The following KLK14 variants were observed in gnomAD, a reference collection of about 807,000 sequenced individuals.
The protein encoded by KLK14 is kallikrein related peptidase 14.
Under a neutral mutation model 24.6 loss-of-function variants are expected in KLK14, and 21 were observed. The ratio of observed to expected loss-of-function variants is 0.85; its 90% CI spans 0.61 to 1.23. KLK14 has a LOEUF of 1.23. Ranked by LOEUF, KLK14 falls within the 50% of genes most tolerant of loss-of-function variation. KLK14 has a pLI of 0.00. For synonymous variants in KLK14, 133 were observed against 139.7 expected, an observed-to-expected ratio of 0.95 and a Z score of 0.34; for missense variants, 320 against 338.9, an observed-to-expected ratio of 0.94 and a Z score of 0.44.
Position 51,079,541 on chromosome 19 carries a change from C to T in KLK14, c.374G>A (p.Arg125Lys). Residue 125 changes from arginine (R) to lysine (K), a missense_variant, in exon 4 of 6, where the codon AGG (arginine) becomes AAG (lysine). By Grantham distance (26) the Arg-to-Lys change is conservative. Transcript: ENST00000650543. ...GGTGACCTCAATGGGCCTGACTGCCCTCCCGATCCGTGCGGGCTGCTGTAG... is the reference window on the plus strand; with the variant it reads ...GGTGACCTCAATGGGCCTGACTGCCTTCCCGATCCGTGCGGGCTGCTGTAG... Reference protein sequence around the residue: ...LQLQQPARIGRAVRPIEVTQA... With the variant: ...LQLQQPARIGKAVRPIEVTQA... 6.2e-7 allele frequency: 1 copy of T among 1,613,990 alleles called. No individual in the cohort carries two copies. The highest frequency in any genetic ancestry group is 8.5e-7 in the Non-Finnish European group (1 of 1,180,030).
chr19:51,083,335 AAGAC>A (rs2091852658), upstream of KLK14, among the ~76,000 whole-genome samples: 2 of 77,346 alleles, frequency 2.6e-5, no homozygotes, highest in South Asian at 4.3e-4. Context: ...GAGAGAGAGA[AAGAC>A]AGAGAGACAC....
At position 51,078,892 on chromosome 19, in the gene KLK14, G is replaced by A; in HGVS notation, c.526C>T (p.Gln176Ter). 6.2e-7 allele frequency: 1 copy of A among 1,614,078 alleles called. No homozygotes were observed. The highest frequency in any genetic ancestry group is 2.2e-5 in the East Asian group (1 of 44,890). ...GTGATGGTTCTAGGATAGGCCTTCT[G>A]GCACACCTCATCCGGGGAGATGTTG... is the stretch of plus-strand genomic sequence containing the variant. ...NINISPDEVCQKAYPRTITPG... is the reference protein window; with the variant it reads ...NINISPDEVC The change falls in exon 5 of 6, where the codon CAG becomes TAG. Residue 176 changes from glutamine to a stop codon, truncating the protein, a stop_gained. Coordinates refer to ENST00000650543, the MANE Select transcript of KLK14 (RefSeq NM_001369775.2). LOFTEE classifies it high-confidence loss of function. The surrounding 1 kb of genome is among the most constrained non-coding windows in gnomAD (Gnocchi z 5.0).
In KLK14 at chr19:51,079,697, A is replaced by G; in HGVS notation, c.218T>C (p.Leu73Pro). 1 of 1,557,078 alleles carries G rather than the reference A, an allele frequency of 6.4e-7. No homozygotes were observed. The highest frequency in any genetic ancestry group is 2.4e-5 in the East Asian group (1 of 41,604). Residue 73 changes from leucine to proline, a missense_variant, in exon 4 of 6, where the codon CTT becomes CCT. Leu to Pro is a moderately conservative substitution (Grantham distance 98). Transcript: ENST00000650543. ...ITAAHCGRPI[L>P]QVALGKHNLR... ...GTTGTGCTTGCCCAGGGCAACCTGA[A>G]GGATCCTGGCCACGACCCCCAAGAG...
Position 51,082,781 on chromosome 19 carries a change from A to AG in KLK14, c.-83dup. The AG allele has an allele frequency of 6.2e-7, 1 of 1,609,506 alleles. No homozygotes were observed. The highest frequency in any genetic ancestry group is 2.2e-5 in the East Asian group (1 of 44,748). On this transcript the variant is annotated 5_prime_UTR_variant, in exon 1 of 6. Coordinates refer to ENST00000650543, the MANE Select transcript of KLK14 (RefSeq NM_001369775.2). ...AGCAGAGAGGTAGGGACCAGAGACG[A>AG]GGGGGGCGGGGCCTGCAGGCTCTGC...
At chr19:51,079,997 C>T (rs750012342) in intron 3 of KLK14, among the ~76,000 whole-genome samples, 7 of 152,148 alleles carry the variant, frequency 4.6e-5, no homozygotes, top group African/African-American at 7.2e-5. Flanking sequence ...GTGCTGGGCT[C>T]GGTGCATTGA....
rs1433509396 is a variant in KLK14, at chr19:51,079,542, T to A, written c.373A>T (p.Arg125Trp). ...LQLQQPARIG[R>W]AVRPIEVTQA... ...GTGACCTCAATGGGCCTGACTGCCC[T>A]CCCGATCCGTGCGGGCTGCTGTAGC... The change falls in exon 4 of 6, where the codon AGG becomes TGG. Residue 125 changes from arginine to tryptophan, a missense_variant. Physicochemically the swap from Arg to Trp is moderately radical, Grantham distance 101. Transcript: ENST00000650543. 5.6e-6 allele frequency: 9 copies of A among 1,613,942 alleles called. No homozygotes were observed. The Middle Eastern group carries it at 4.9e-4, about 89-fold the overall frequency.
Position 51,078,145 on chromosome 19 carries a change from T to C in KLK14, c.618A>G (p.Gly206=). 1.9e-6 allele frequency: 3 copies of C among 1,613,262 alleles called. No homozygotes were observed. The highest frequency in any genetic ancestry group is 2.5e-6 in the Non-Finnish European group (3 of 1,179,726). ...GGAGCTGTCCTCTGCACACCAGGGGTCCCCCAGAGTCACCCTGAGGGGGAG... is the reference window on the plus strand; with the variant it reads ...GGAGCTGTCCTCTGCACACCAGGGGCCCCCCAGAGTCACCCTGAGGGGGAG... ...GKDSCQGDSG[G]PLVCRGQLQG... is the part of the protein sequence containing the mutation. The change falls in exon 6 of 6, where the codon GGA becomes GGG. Residue 206 remains glycine (G), a synonymous_variant. Coordinates refer to ENST00000650543, the MANE Select transcript of KLK14 (RefSeq NM_001369775.2). This position sits in a 1 kb window ranked among gnomAD's most constrained non-coding sequence, Gnocchi z 5.0.
At position 51,078,934 on chromosome 19, in the gene KLK14, G is replaced by A; in HGVS notation, c.484C>T (p.Leu162=). The change falls in exon 5 of 6, where the codon CTG becomes TTG. Residue 162 remains leucine, a synonymous_variant. Coordinates refer to ENST00000650543, the MANE Select transcript of KLK14 (RefSeq NM_001369775.2). The surrounding 1 kb of genome is among the most constrained non-coding windows in gnomAD (Gnocchi z 5.0). ...SSPIARYPAS[L]QCVNINISPD... is the part of the protein sequence containing the mutation. ...GAGATGTTGATGTTCACGCATTGCA[G>A]AGAGGCGGGGTACCTGGCTGGGGGA... 2 of 1,613,912 alleles carry A rather than the reference G, an allele frequency of 1.2e-6. No homozygotes were observed. The highest frequency in any genetic ancestry group is 1.7e-6 in the Non-Finnish European group (2 of 1,179,932).
At chr19:51,082,449 C>G in intron 2 of KLK14, 126 bp downstream of exon 2, 1 of 858,356 alleles carries the variant, frequency 1.2e-6, no homozygotes, top group Non-Finnish European at 1.9e-6. Context: ...CACCATGACC[C>G]CCAAACCACT....
Position 51,082,860 on chromosome 19 carries a change from G to T in KLK14, c.-161C>A. The T allele has an allele frequency of 8.5e-7, 1 of 1,173,618 alleles. No individual in the cohort carries two copies. The highest frequency in any genetic ancestry group is 1.2e-6 in the Non-Finnish European group (1 of 813,038). 72.7% of individuals were successfully genotyped at this position (1,173,618 alleles called of 1,614,324 possible). On this transcript the variant is annotated 5_prime_UTR_variant, in exon 1 of 6. Coordinates refer to ENST00000650543, the MANE Select transcript of KLK14 (RefSeq NM_001369775.2). ...GGCACAGGTCCCTCCTTGATGTCTT[G>T]ATGAAGGAAGGAGGGGAGGTGTCTC...
intron 4 of KLK14, 143 bp downstream of exon 4, chr19:51,079,306 G>C: frequency 2.5e-6 from 2 of 800,022 alleles, no homozygotes; most frequent in Non-Finnish European, 3.7e-6. Context: ...CCAGGCCTCA[G>C]CCCCCTCCTC....
At position 51,078,052 on chromosome 19, in the gene KLK14, C is replaced by T. The variant is rs746987037; in HGVS notation, c.711G>A (p.Leu237=). 7 of 1,613,866 alleles carry T rather than the reference C, an allele frequency of 4.3e-6. No individual in the cohort carries two copies. The highest frequency in any genetic ancestry group is 5.1e-6 in the Non-Finnish European group (6 of 1,179,904). The change falls in exon 6 of 6, where the codon CTG becomes CTA. Residue 237 remains leucine, a synonymous_variant. Transcript: ENST00000650543. This position sits in a 1 kb window ranked among gnomAD's most constrained non-coding sequence, Gnocchi z 5.0. ...CCTCAATCCAGCTTCTGTACTTGCACAGGTTGGTGTAGACACCGGGGTAGC... is the reference window on the plus strand; with the variant it reads ...CCTCAATCCAGCTTCTGTACTTGCATAGGTTGGTGTAGACACCGGGGTAGC... ...LPGYPGVYTN[L]CKYRSWIEET... is the part of the protein sequence containing the mutation.
chr19:51,077,600 T>C (rs62114141), downstream of KLK14: 35,210 of 147,840 alleles, frequency 0.24, 3,900 homozygotes, highest in Middle Eastern at 0.32. Flanking sequence ...GAGGAGGGGC[T>C]GGGCCTGGAC....
In KLK14 at chr19:51,078,074, T is replaced by G; in HGVS notation, c.689A>C (p.Tyr230Ser). ...GCACAGGTTGGTGTAGACACCGGGG[T>G]AGCCAGGCAGGGCGCAGCGCTCCAT... ...WGMERCALPG[Y>S]PGVYTNLCKY... The change falls in exon 6 of 6, where the codon TAC (tyrosine) becomes TCC (serine). Residue 230 changes from tyrosine (Y) to serine (S), a missense_variant. By Grantham distance (144) the Tyr-to-Ser change is moderately radical. Transcript: ENST00000650543. The surrounding 1 kb of genome is among the most constrained non-coding windows in gnomAD (Gnocchi z 5.0). The G allele has an allele frequency of 6.2e-7, 1 of 1,611,966 alleles. No individual in the cohort carries two copies. Among genetic ancestry groups the G allele is most frequent in the Non-Finnish European group, 8.5e-7 (1 of 1,179,128 alleles).
rs540393229 is a variant in KLK14, at chr19:51,080,320, G to A, written c.213-618C>T. 1.7e-3 allele frequency among the ~76,000 whole-genome samples: 260 copies of A among 151,784 alleles called. 1 individual carries two copies. The highest frequency in any genetic ancestry group is 3.0e-3 in the Non-Finnish European group (203 of 67,872). On this transcript the variant is annotated intron_variant, in intron 3 of 5. Coordinates refer to ENST00000650543, the MANE Select transcript of KLK14 (RefSeq NM_001369775.2). ...CTCCCAAAGTGCTGGGATTACAGGCGTGAGCCACCGCACCCAGCCTCTACA... is the reference window on the plus strand; with the variant it reads ...CTCCCAAAGTGCTGGGATTACAGGCATGAGCCACCGCACCCAGCCTCTACA...
At chr19:51,079,060 C>T in intron 4 of KLK14, 109 bp from the exon 5 acceptor site, 2 of 1,319,258 alleles carry the variant, frequency 1.5e-6, no homozygotes, top group South Asian at 2.7e-5. Context: ...CCAGCACCTC[C>T]TCCCTCAGAC....
At chr19:51,081,741 G>A (rs1437114102) in intron 2 of KLK14, 38 bp from the exon 3 acceptor site, 1 of 1,458,230 alleles carries the variant, frequency 6.9e-7, no homozygotes. Context: ...AAGTAGATGA[G>A]CAAACACTCT....
downstream of KLK14, chr19:51,077,820 G>A: frequency 1.0e-5 from 5 of 476,990 alleles, no homozygotes; most frequent in South Asian, 1.3e-4. Context: ...GGAGGGGCTG[G>A]GGCCTGGACT....
At chr19:51,080,836 G>A (rs2122755482) in intron 3 of KLK14, among the ~76,000 whole-genome samples, 1 of 152,240 alleles carries the variant, frequency 6.6e-6, no homozygotes, top group Non-Finnish European at 1.5e-5. Context: ...ACCATGCCTG[G>A]CTAATTTTGC....
Sources: allele counts gnomAD v4.1 joint callset (sites outside exome capture counted in the v4.1 genomes callset), GRCh38; gene constraint gnomAD v4.1.1; non-coding constraint Gnocchi (gnomAD v3.1); transcripts MANE v1.5; gene names NCBI Gene and HGNC (gene_info 2026-07-23, HGNC 2026-07-21).